PDE4B: variants seen among roughly 807,000 people sequenced by gnomAD.
PDE4B encodes the protein phosphodiesterase 4B.
PDE4B carries 20 observed loss-of-function variants against 82.2 expected under a neutral mutation model. The ratio of observed to expected loss-of-function variants is 0.24; its 90% confidence interval spans 0.17 to 0.35. The LOEUF (loss-of-function observed/expected upper bound fraction) is 0.35, where lower values mean the gene tolerates loss of function less well. PDE4B is among the 10% of genes least tolerant of loss of function. The probability of loss-of-function intolerance (pLI) is 1.00; values close to 1 mark genes in which losing one functional copy is unlikely to be tolerated. For missense variants in PDE4B, 655 were observed against 907.2 expected, an observed-to-expected ratio of 0.72 and a Z score of 3.57; for synonymous variants, 320 against 318.9, an observed-to-expected ratio of 1.00 and a Z score of -0.04.
intron 8 of PDE4B, 130 bp downstream of exon 8, chr1:66,332,750 G>C: frequency 1.3e-6 from 1 of 743,526 alleles, no homozygotes; most frequent in Non-Finnish European, 2.2e-6. Context: ...GCTTTGTCTA[G>C]AAGATTCTCT....
At chr1:66,210,456 T>A (rs1188024252) in intron 3 of PDE4B, among the ~76,000 whole-genome samples, 1 of 150,024 alleles carries the variant, frequency 6.7e-6, no homozygotes, top group African/African-American at 2.4e-5. Context: ...ATTAGTTGGG[T>A]GTGGTAGTGC....
intron 3 of PDE4B, among the ~76,000 whole-genome samples, chr1:66,210,523 G>A (rs112635856): frequency 0.021 from 2,891 of 138,026 alleles, 51 homozygotes; most frequent in Non-Finnish European, 0.028. Flanking sequence ...TTGAACCCGG[G>A]AAGCGTAGGT....
intron 1 of PDE4B, among the ~76,000 whole-genome samples, chr1:65,808,163 C>G (rs1427231352): frequency 1.4e-5 from 2 of 145,648 alleles, no homozygotes; most frequent in African/African-American, 2.5e-5. Context: ...AGTAGGTAGA[C>G]AAACACTTTT....
intron 7 of PDE4B, among the ~76,000 whole-genome samples, chr1:66,275,334 A>C (rs1412532027): frequency 6.6e-6 from 1 of 152,188 alleles, no homozygotes; most frequent in Admixed American, 6.5e-5. Flanking sequence ...GAAGCTTAGC[A>C]GGGAGTAGCG....
At chr1:66,223,941 C>G (rs1490290902) in intron 3 of PDE4B, among the ~76,000 whole-genome samples, 1 of 152,144 alleles carries the variant, frequency 6.6e-6, no homozygotes, top group Non-Finnish European at 1.5e-5. Context: ...GTGATAACTT[C>G]TACGTGCATG....
chr1:65,904,980 T>C (rs1647013559), intron 1 of PDE4B, among the ~76,000 whole-genome samples: 1 of 152,190 alleles, frequency 6.6e-6, no homozygotes, highest in Non-Finnish European at 1.5e-5. Context: ...ATTCTGATTC[T>C]ATTTCCTGCC....
At chr1:66,221,666 T>C (rs1264848100) in intron 3 of PDE4B, among the ~76,000 whole-genome samples, 1 of 152,208 alleles carries the variant, frequency 6.6e-6, no homozygotes, top group Non-Finnish European at 1.5e-5. Context: ...TTTATGTTTT[T>C]CTTTGCTTTC....
intron 3 of PDE4B, among the ~76,000 whole-genome samples, chr1:65,937,725 T>C (rs1648235149): frequency 6.6e-6 from 1 of 152,200 alleles, no homozygotes; most frequent in African/African-American, 2.4e-5. Context: ...GGACAATGGA[T>C]ATTTAAAATT....
intron 3 of PDE4B, among the ~76,000 whole-genome samples, chr1:66,179,131 G>A (rs1315998495): frequency 2.0e-5 from 3 of 152,254 alleles, no homozygotes; most frequent in Admixed American, 6.5e-5. Context: ...GATTACAGGC[G>A]TGAGCCACCA....
At chr1:65,814,030 A>T (rs918199350) in intron 1 of PDE4B, among the ~76,000 whole-genome samples, 1 of 152,186 alleles carries the variant, frequency 6.6e-6, no homozygotes, top group Non-Finnish European at 1.5e-5. Flanking sequence ...AGAACAGTGA[A>T]GAAGTCCAAG....
At chr1:66,345,844 T>C (rs2101970538) in intron 8 of PDE4B, among the ~76,000 whole-genome samples, 1 of 152,290 alleles carries the variant, frequency 6.6e-6, no homozygotes, top group East Asian at 1.9e-4. Context: ...GAAAGCTTAT[T>C]CCTACCCTTC....
intron 7 of PDE4B, among the ~76,000 whole-genome samples, chr1:66,278,079 T>G (rs1269943535): frequency 6.6e-6 from 1 of 152,216 alleles, no homozygotes; most frequent in East Asian, 1.9e-4. Context: ...AACTGCCTAT[T>G]TTCTTGACTG....
chr1:65,919,251 C>T lies in PDE4B; in HGVS notation c.281+416C>T, dbSNP rs1055132764. Among the ~76,000 whole-genome samples, 12 of 152,264 alleles carry T rather than the reference C, an allele frequency of 7.9e-5. No individual in the cohort carries two copies. The East Asian group carries it at 2.1e-3, about 27-fold the overall frequency. The stretch of plus-strand genomic sequence containing the variant: ...CTTCTCCCTAGCTTCTATTTATTAT[C>T]ATCCTACTTTATTAATCTCAGTTTG... On this transcript the variant is annotated intron_variant, in intron 3 of 16. Coordinates refer to ENST00000341517, the MANE Select transcript of PDE4B (RefSeq NM_002600.4).
chr1:66,343,157 G>T (rs2101961158), intron 8 of PDE4B, among the ~76,000 whole-genome samples: 1 of 152,304 alleles, frequency 6.6e-6, no homozygotes, highest in South Asian at 2.1e-4. Flanking sequence ...GTATAAAAAG[G>T]AAAGGCACAG....
chr1:65,886,804 C>T (rs1646782704), intron 1 of PDE4B, among the ~76,000 whole-genome samples: 1 of 152,144 alleles, frequency 6.6e-6, no homozygotes, highest in South Asian at 2.1e-4. Context: ...GATTCCATAT[C>T]TTTGCTATTG....
Position 66,247,628 on chromosome 1 carries a change from G to A in PDE4B, c.450G>A (p.Ser150=), listed in dbSNP as rs143872916. 824 of 1,593,674 alleles carry A rather than the reference G, an allele frequency of 5.2e-4. No individual in the cohort carries two copies. The highest frequency in any genetic ancestry group is 6.6e-4 in the Non-Finnish European group (777 of 1,170,094). The part of the protein sequence containing the change: ...SDYDLSPKAM[S]RNSSLPSEQH... ...ATGACTTGTCACCAAAGGCGATGTC[G>A]AGAAACTCTTCTCTTCCAAGCGAGC... The change falls in exon 4 of 17, where the codon TCG becomes TCA. Residue 150 remains serine (S), a synonymous_variant. Transcript: ENST00000341517.
intron 6 of PDE4B, among the ~76,000 whole-genome samples, chr1:66,260,035 G>T (rs184374716): frequency 7.2e-5 from 11 of 152,270 alleles, no homozygotes; most frequent in African/African-American, 2.4e-5. Flanking sequence ...GCACAAAGTA[G>T]GTGCTCAATA....
chr1:65,895,518 C>G (rs980401315), intron 1 of PDE4B, among the ~76,000 whole-genome samples: 1 of 138,466 alleles, frequency 7.2e-6, no homozygotes, highest in African/African-American at 2.7e-5. Context: ...CCGCTGCACT[C>G]TAGCCTGTGT....
chr1:66,027,755 G>A (rs778591647), intron 3 of PDE4B, among the ~76,000 whole-genome samples: 6 of 152,132 alleles, frequency 3.9e-5, no homozygotes, highest in Non-Finnish European at 7.4e-5. Context: ...AAAATCCAAC[G>A]GGGCAGTCAA....
Sources: allele counts gnomAD v4.1 joint callset (sites outside exome capture counted in the v4.1 genomes callset), GRCh38; gene constraint gnomAD v4.1.1; transcripts MANE v1.5; gene names NCBI Gene and HGNC (gene_info 2026-07-23, HGNC 2026-07-21).